The following KLHL29 variants were observed in gnomAD, a reference collection of about 807,000 sequenced individuals.
The protein encoded by KLHL29 is kelch-like protein 29.
Under a neutral mutation model 80.4 loss-of-function variants are expected in KLHL29, and 21 were observed. The observed-to-expected ratio is 0.26, with a 90% CI of 0.19 to 0.38. KLHL29 has a LOEUF of 0.38. Ranked by LOEUF, KLHL29 falls within the 10% of genes least tolerant of loss-of-function variation. The pLI, the probability that KLHL29 is intolerant of heterozygous loss-of-function variation, is 1.00. For missense variants in KLHL29, 867 were observed against 1,223.9 expected, an observed-to-expected ratio of 0.71 and a Z score of 4.35; for synonymous variants, 511 against 526.8, an observed-to-expected ratio of 0.97 and a Z score of 0.41.
chr2:23,597,381 G>GTATATATA lies in KLHL29; in HGVS notation c.285+34901_285+34902insATATATAT, dbSNP rs773511071. On this transcript the variant is annotated intron_variant, in intron 3 of 13. Coordinates refer to ENST00000486442, the MANE Select transcript of KLHL29 (RefSeq NM_052920.2). ...TGTATGTATATATATATGTGTGTGTGTGTATATATATATATATATATATAT... is the reference window on the plus strand; with the variant it reads ...TGTATGTATATATATATGTGTGTGTGTATATATATGTATATATATATATATATATATAT... Among the ~76,000 whole-genome samples, 11 of 58,900 alleles carry GTATATATA rather than the reference G, an allele frequency of 1.9e-4. 1 individual carries two copies. The highest frequency in any genetic ancestry group is 7.2e-4 in the African/African-American group (10 of 13,800). The allele number at this position is 58,900 out of a possible 152,430, so 38.6% of individuals were successfully genotyped here.
intron 5 of KLHL29, among the ~76,000 whole-genome samples, chr2:23,655,273 A>G (rs1670214201): frequency 6.6e-6 from 1 of 152,218 alleles, no homozygotes. Flanking sequence ...AGCATCGCCA[A>G]TGCAATAAAG....
rs1425846524 is a variant in KLHL29, at chr2:23,642,713, C to T, written c.803C>T (p.Ala268Val). 21 of 1,548,590 alleles carry T rather than the reference C, an allele frequency of 1.4e-5. No homozygotes were observed. In the Admixed American group the frequency reaches 3.9e-4, roughly 29 times the overall value. Residue 268 changes from alanine (A) to valine (V), a missense_variant, in exon 5 of 14, where the codon GCC becomes GTC. Around this residue, in one of 2 missense-constraint regions of KLHL29, gnomAD observed 424 missense variants for 456.9 expected, o/e 0.93. Transcript: ENST00000486442. ...AGPLLPPPPP[A>V]QPSATLPSGA... ...CCCCTGCTGCCTCCACCGCCGCCAGCCCAGCCGTCCGCCACTCTCCCCAGT... is the reference window on the plus strand; with the variant it reads ...CCCCTGCTGCCTCCACCGCCGCCAGTCCAGCCGTCCGCCACTCTCCCCAGT...
At chr2:23,417,029 G>A (rs1340031291) in intron 1 of KLHL29, among the ~76,000 whole-genome samples, 1 of 151,930 alleles carries the variant, frequency 6.6e-6, no homozygotes, top group African/African-American at 2.4e-5. Context: ...CTATCTCATG[G>A]CCCTGACAGA....
chr2:23,648,373 A>G (rs1259767667), intron 5 of KLHL29, among the ~76,000 whole-genome samples: 1 of 151,880 alleles, frequency 6.6e-6, no homozygotes, highest in East Asian at 1.9e-4. Flanking sequence ...TGATTACTTT[A>G]CTGGTACCAG....
chr2:23,465,123 T>G (rs1415970607), intron 1 of KLHL29, among the ~76,000 whole-genome samples: 2 of 152,186 alleles, frequency 1.3e-5, no homozygotes, highest in Non-Finnish European at 2.9e-5. Context: ...CGGCCTCTAC[T>G]GTGGGGATGA....
In KLHL29 at chr2:23,692,467, G is replaced by A. The variant is rs1157637356; in HGVS notation, c.1282+591G>A. On this transcript the variant is annotated intron_variant, in intron 7 of 13. Coordinates refer to ENST00000486442, the MANE Select transcript of KLHL29 (RefSeq NM_052920.2). ...AGGTGAGGGAGGGACAAAGACGAAA[G>A]CCCCCAAAGAAGCAGTGGCCTGGGG... 2.6e-5 allele frequency among the ~76,000 whole-genome samples: 4 copies of A among 152,214 alleles called. No homozygotes were observed. The East Asian group carries it at 5.8e-4, about 22-fold the overall frequency.
At chr2:23,470,974 T>C (rs900623650) in intron 1 of KLHL29, among the ~76,000 whole-genome samples, 1 of 152,206 alleles carries the variant, frequency 6.6e-6, no homozygotes, top group Non-Finnish European at 1.5e-5. Context: ...TCTCTCGTCT[T>C]AAAAAGAATA....
chr2:23,618,435 C>T (rs559989073), intron 3 of KLHL29, among the ~76,000 whole-genome samples: 24 of 152,248 alleles, frequency 1.6e-4, no homozygotes, highest in African/African-American at 5.3e-4. Flanking sequence ...AGGCCTCATC[C>T]GATCAGTCAG....
chr2:23,537,500 A>G (rs1457261378), intron 2 of KLHL29, among the ~76,000 whole-genome samples: 3 of 142,990 alleles, frequency 2.1e-5, no homozygotes, highest in Non-Finnish European at 4.7e-5. Flanking sequence ...GATCGGGAGG[A>G]GGCATCCTGT....
chr2:23,415,788 T>G (rs1666970898), intron 1 of KLHL29, among the ~76,000 whole-genome samples: 1 of 152,070 alleles, frequency 6.6e-6, no homozygotes, highest in Non-Finnish European at 1.5e-5. Context: ...AGCCTTAACC[T>G]CCTGGGCTCA....
At chr2:23,539,507 T>C (rs896692733) in intron 2 of KLHL29, among the ~76,000 whole-genome samples, 19 of 150,192 alleles carry the variant, frequency 1.3e-4, no homozygotes, top group African/African-American at 3.4e-4. Context: ...AGTGATGTGA[T>C]CTTGGCTCAC....
chr2:23,459,577 T>C (rs1192720223), intron 1 of KLHL29, among the ~76,000 whole-genome samples: 1 of 152,120 alleles, frequency 6.6e-6, no homozygotes, highest in Non-Finnish European at 1.5e-5. Context: ...ATTGTTGTGT[T>C]GTGGAAGCAA....
At chr2:23,391,072 C>A (rs1265198490) in intron 1 of KLHL29, among the ~76,000 whole-genome samples, 2 of 152,238 alleles carry the variant, frequency 1.3e-5, no homozygotes, top group East Asian at 3.9e-4. Flanking sequence ...CCTCCCTCAG[C>A]CCCTGGCATC....
At chr2:23,663,959 T>C (rs1670488241) in intron 5 of KLHL29, among the ~76,000 whole-genome samples, 1 of 152,200 alleles carries the variant, frequency 6.6e-6, no homozygotes, top group Admixed American at 6.5e-5. Context: ...TGGTTAAAAC[T>C]TGGAACATAA....
intron 5 of KLHL29, among the ~76,000 whole-genome samples, chr2:23,663,256 C>T (rs781099241): frequency 2.6e-5 from 4 of 152,358 alleles, no homozygotes; most frequent in South Asian, 4.1e-4. Context: ...TAGCAAGCAA[C>T]CCAGAAGTGT....
rs1180304358 is a variant in KLHL29 at position 23,503,529 on chromosome 2, T to C, written c.-46+27862T>C. Among the ~76,000 whole-genome samples the C allele has an allele frequency of 6.6e-6, 1 of 151,720 alleles. No individual in the cohort carries two copies. The highest frequency in any genetic ancestry group is 6.6e-5 in the Admixed American group (1 of 15,240). On this transcript the variant is annotated intron_variant, in intron 2 of 13. Transcript: ENST00000486442. The surrounding 1 kb of genome is among the most constrained non-coding windows in gnomAD (Gnocchi z 4.0). ...GTGTTGTCCTAGGGATGGCTCCTGG[T>C]TCACGCAGGCTCCTCATAGGGTCCC...
intron 2 of KLHL29, among the ~76,000 whole-genome samples, chr2:23,534,309 A>AAAATC (rs1666597191): frequency 6.6e-6 from 1 of 152,142 alleles, no homozygotes; most frequent in African/African-American, 2.4e-5. Flanking sequence ...TTTATTAGAT[A>AAAATC]AAATCACATT....
intron 2 of KLHL29, among the ~76,000 whole-genome samples, chr2:23,541,649 G>C (rs1666837708): frequency 6.6e-6 from 1 of 152,190 alleles, no homozygotes. Flanking sequence ...CTGGGTGTCA[G>C]AGGCAGCAAC....
chr2:23,622,438 G>A (rs527868255), intron 3 of KLHL29, among the ~76,000 whole-genome samples: 3 of 152,300 alleles, frequency 2.0e-5, no homozygotes, highest in South Asian at 2.1e-4. Flanking sequence ...TGACTCCACC[G>A]ATCTGATCTG....
Sources: gnomAD v4.1 joint callset for allele counts (sites outside exome capture counted in the v4.1 genomes callset) on GRCh38, gnomAD v4.1.1 for gene constraint, gnomAD v4.1.1 regional missense constraint, Gnocchi (gnomAD v3.1) non-coding constraint, MANE v1.5 for transcripts, NCBI Gene and HGNC (gene_info 2026-07-23, HGNC 2026-07-21) for gene names.